TANK: variants seen among roughly 807,000 people sequenced by gnomAD.
TANK encodes TRAF family member-associated NF-kappa-B activator.
TANK carries 15 observed loss-of-function variants against 43.6 expected under a neutral mutation model. The observed-to-expected ratio is 0.34, with a 90% CI of 0.23 to 0.53. The LOEUF (loss-of-function observed/expected upper bound fraction) is 0.53, where lower values mean the gene tolerates loss of function less well. TANK is among the 20% of genes least tolerant of loss of function. The pLI is 0.94. For synonymous variants in TANK, 162 were observed against 178.2 expected (o/e 0.91, Z 0.73); for missense variants, 417 against 498.6 (o/e 0.84, Z 1.56).
chr2:161,162,564 A>T (rs573143672), intron 1 of TANK: 94 of 152,238 alleles, frequency 6.2e-4, no homozygotes, highest in Admixed American at 4.7e-3. Flanking sequence ...ATAGTGGTAA[A>T]TAAAACAGTG....
At chr2:161,233,076 A>AGTT (rs1233167391) in intron 7 of TANK, among the ~76,000 whole-genome samples, 1 of 152,216 alleles carries the variant, frequency 6.6e-6, no homozygotes, top group East Asian at 1.9e-4. Context: ...GTACAAAGCT[A>AGTT]GTATAAGTAC....
rs368337458 is a variant in TANK at position 161,221,801 on chromosome 2, T to C, written c.328-2114T>C. On this transcript the variant is annotated intron_variant, in intron 4 of 7. Transcript: ENST00000392749. The stretch of plus-strand genomic sequence containing the variant: ...CATGAATGATAAAAGGTGCAGTGTA[T>C]TGCCTAGTACAACCAGTAATACTTT... Among the ~76,000 whole-genome samples the C allele has an allele frequency of 1.2e-4, 19 of 152,180 alleles. No individual in the cohort carries two copies. In the South Asian group the frequency reaches 3.7e-3, roughly 30 times the overall value.
intron 4 of TANK, chr2:161,223,696 A>T (rs748158639): frequency 1.5e-5 from 5 of 341,734 alleles, no homozygotes; most frequent in Non-Finnish European, 2.7e-5. Context: ...GAAATATTTC[A>T]TCTCTTCAGA....
chr2:161,140,200 A>G (rs1249368218), intron 1 of TANK, among the ~76,000 whole-genome samples: 1 of 152,154 alleles, frequency 6.6e-6, no homozygotes, highest in Non-Finnish European at 1.5e-5. Flanking sequence ...TGTTCCTTGA[A>G]ATGTTTAAAG....
At chr2:161,232,402 A>T (rs951299221) in intron 7 of TANK, among the ~76,000 whole-genome samples, 5 of 152,214 alleles carry the variant, frequency 3.3e-5, no homozygotes, top group Non-Finnish European at 5.9e-5. Flanking sequence ...AATTTTTTTA[A>T]AAAAGTTATT....
At chr2:161,207,322 C>T (rs1686696685) in intron 4 of TANK, 2 of 859,776 alleles carry the variant, frequency 2.3e-6, no homozygotes, top group Non-Finnish European at 2.8e-6. Flanking sequence ...ATAAACCTAA[C>T]TTCAGCGAGT....
intron 3 of TANK, 73 bp downstream of exon 3, chr2:161,203,668 T>A: frequency 3.4e-6 from 3 of 892,226 alleles, no homozygotes; most frequent in Non-Finnish European, 5.3e-6. Flanking sequence ...TGAGTTTTTC[T>A]ATTTTATTCC....
intron 1 of TANK, among the ~76,000 whole-genome samples, chr2:161,141,351 C>A (rs1683741376): frequency 6.6e-6 from 1 of 152,050 alleles, no homozygotes; most frequent in African/African-American, 2.4e-5. Context: ...ACTTTAAGTT[C>A]TGGGATACAA....
chr2:161,161,169 C>T (rs1209704406), intron 1 of TANK: 2 of 1,454,254 alleles, frequency 1.4e-6, no homozygotes, highest in Admixed American at 2.6e-5. Flanking sequence ...CTGTGCTTTT[C>T]TAGAAGTAGA....
At chr2:161,181,012 T>C (rs965709652) in intron 2 of TANK, among the ~76,000 whole-genome samples, 10 of 152,096 alleles carry the variant, frequency 6.6e-5, no homozygotes, top group Non-Finnish European at 1.0e-4. Context: ...TGTATAGTCT[T>C]AAGTGGGCTG....
chr2:161,167,689 C>A (rs1359669141), intron 1 of TANK, among the ~76,000 whole-genome samples: 1 of 152,084 alleles, frequency 6.6e-6, no homozygotes, highest in Admixed American at 6.6e-5. Flanking sequence ...GTGGCGCGAT[C>A]TTGTCTCACT....
At chr2:161,137,646 A>G (rs1436942403) in intron 1 of TANK, among the ~76,000 whole-genome samples, 2 of 152,154 alleles carry the variant, frequency 1.3e-5, no homozygotes, top group African/African-American at 4.8e-5. Context: ...ATTTTTAAAA[A>G]TCGATCCTGG....
At chr2:161,163,592 G>A (rs187796269) in intron 1 of TANK, 1 of 152,256 alleles carries the variant, frequency 6.6e-6, no homozygotes, top group Non-Finnish European at 1.5e-5. Context: ...AAACTCAACT[G>A]GGAAAGCATC....
chr2:161,201,652 C>G (rs1211713164), intron 2 of TANK, among the ~76,000 whole-genome samples: 3 of 152,194 alleles, frequency 2.0e-5, no homozygotes, highest in African/African-American at 7.2e-5. Context: ...AAGACTGTAA[C>G]TTGTTTGCTG....
At chr2:161,147,677 C>T (rs1016796067) in intron 1 of TANK, among the ~76,000 whole-genome samples, 2 of 149,504 alleles carry the variant, frequency 1.3e-5, no homozygotes, top group African/African-American at 2.6e-5. Flanking sequence ...CTGGATACCT[C>T]CGTTGCCAGT....
At position 161,149,374 on chromosome 2, in the gene TANK, T is replaced by C. The variant is rs1379724667; in HGVS notation, c.-50+12311T>C. On this transcript the variant is annotated intron_variant, in intron 1 of 7. Transcript: ENST00000259075. ...TGCTAAATTCATTTATTAGCTCTAG[T>C]AGCTTTCTTGTGAATACTTTGGGAG... 2.0e-5 allele frequency among the ~76,000 whole-genome samples: 3 copies of C among 152,230 alleles called. No homozygotes were observed. The East Asian group carries it at 5.8e-4, about 29-fold the overall frequency.
intron 4 of TANK, among the ~76,000 whole-genome samples, chr2:161,213,072 T>G (rs1015746131): frequency 4.6e-5 from 7 of 152,000 alleles, no homozygotes; most frequent in Non-Finnish European, 1.0e-4. Context: ...AACAACCAGT[T>G]TTCTCAGGGG....
intron 4 of TANK, among the ~76,000 whole-genome samples, chr2:161,221,478 A>G (rs1357045389): frequency 6.6e-6 from 1 of 152,140 alleles, no homozygotes; most frequent in Non-Finnish European, 1.5e-5. Context: ...GCATTGACAA[A>G]AAAGTCTGAG....
At chr2:161,196,647 G>C (rs1048622098) in intron 2 of TANK, among the ~76,000 whole-genome samples, 3 of 152,160 alleles carry the variant, frequency 2.0e-5, no homozygotes, top group Non-Finnish European at 4.4e-5. Flanking sequence ...TTGAGGTCAG[G>C]AGTTCAAAAC....
Sources: gnomAD v4.1 joint callset for allele counts (sites outside exome capture counted in the v4.1 genomes callset) on GRCh38, gnomAD v4.1.1 for gene constraint, MANE v1.5 for transcripts, NCBI Gene and HGNC (gene_info 2026-07-23, HGNC 2026-07-21) for gene names.